GALNTL6: variants seen among roughly 807,000 people sequenced by gnomAD.
GALNTL6 encodes the protein polypeptide N-acetylgalactosaminyltransferase-like 6.
Under a neutral mutation model 73.7 loss-of-function variants are expected in GALNTL6, and 46 were observed. That is an observed-to-expected ratio of 0.62 (90% confidence interval 0.49 to 0.80). GALNTL6 has a LOEUF of 0.80. Ranked by LOEUF, GALNTL6 falls within the 30% of genes least tolerant of loss-of-function variation. The pLI is 0.00. For synonymous variants in GALNTL6, 259 were observed against 263.7 expected (o/e 0.98, Z 0.17); for missense variants, 604 against 755.0 (o/e 0.80, Z 2.34).
intron 5 of GALNTL6, among the ~76,000 whole-genome samples, chr4:172,563,648 A>G (rs1183105573): frequency 6.6e-6 from 1 of 152,224 alleles, no homozygotes; most frequent in Non-Finnish European, 1.5e-5. Flanking sequence ...AGTAGTTTTA[A>G]TCTCAAGGCA....
chr4:172,957,176 G>C (rs1235325104), intron 10 of GALNTL6, among the ~76,000 whole-genome samples: 1 of 152,108 alleles, frequency 6.6e-6, no homozygotes, highest in Admixed American at 6.5e-5. Flanking sequence ...GGAAGGGAGG[G>C]GGCCTGAATA....
At chr4:172,916,705 G>T (rs3105221) in intron 8 of GALNTL6, among the ~76,000 whole-genome samples, 39,219 of 151,950 alleles carry the variant, frequency 0.26, 6,914 homozygotes, top group African/African-American at 0.5. Flanking sequence ...GTGAAGAACC[G>T]TTTCAAGGAG....
chr4:171,862,147 A>G (rs1275549561), intron 2 of GALNTL6, among the ~76,000 whole-genome samples: 1 of 152,188 alleles, frequency 6.6e-6, no homozygotes, highest in Non-Finnish European at 1.5e-5. Flanking sequence ...GTTCTATACT[A>G]TGGCAATTTA....
At chr4:171,907,104 T>C (rs1353371610) in intron 2 of GALNTL6, among the ~76,000 whole-genome samples, 2 of 152,076 alleles carry the variant, frequency 1.3e-5, no homozygotes, top group African/African-American at 2.4e-5. Context: ...ATGCCCTCTC[T>C]CACCACTCCT....
intron 5 of GALNTL6, among the ~76,000 whole-genome samples, chr4:172,522,218 T>C: frequency 6.6e-6 from 1 of 152,204 alleles, no homozygotes; most frequent in African/African-American, 2.4e-5. Flanking sequence ...TTTAAAGGGA[T>C]ACCAAGTGAA....
chr4:172,952,997 G>A (rs987659187), intron 10 of GALNTL6, among the ~76,000 whole-genome samples: 2 of 152,190 alleles, frequency 1.3e-5, no homozygotes, highest in Admixed American at 6.5e-5. Context: ...GCAAGTACAA[G>A]GCAATGAGGG....
chr4:172,434,720 G>T (rs1234805253), intron 5 of GALNTL6, among the ~76,000 whole-genome samples: 1 of 151,566 alleles, frequency 6.6e-6, no homozygotes, highest in Non-Finnish European at 1.5e-5. Flanking sequence ...CAATCACAAA[G>T]AAAAAAAATG....
At chr4:172,740,780 T>A (rs993853774) in intron 5 of GALNTL6, among the ~76,000 whole-genome samples, 1 of 152,120 alleles carries the variant, frequency 6.6e-6, no homozygotes, top group African/African-American at 2.4e-5. Flanking sequence ...TGTTACCTAG[T>A]GTGTGTAGGT....
intron 4 of GALNTL6, among the ~76,000 whole-genome samples, chr4:172,320,563 G>A (rs1389948307): frequency 6.6e-6 from 1 of 152,168 alleles, no homozygotes; most frequent in Non-Finnish European, 1.5e-5. Context: ...TAGACTGTAG[G>A]CCAGCCATTT....
chr4:172,282,163 G>A (rs184344206), intron 3 of GALNTL6, among the ~76,000 whole-genome samples: 1 of 152,138 alleles, frequency 6.6e-6, no homozygotes, highest in Admixed American at 6.5e-5. Context: ...GTATATTTTA[G>A]GAACTCCTAC....
At chr4:172,556,500 A>G (rs530895391) in intron 5 of GALNTL6, among the ~76,000 whole-genome samples, 1 of 152,244 alleles carries the variant, frequency 6.6e-6, no homozygotes, top group African/African-American at 2.4e-5. Context: ...ATTTTTAAGT[A>G]TAATATGTTC....
chr4:172,096,173 A>G (rs1732351657), intron 2 of GALNTL6, among the ~76,000 whole-genome samples: 3 of 151,720 alleles, frequency 2.0e-5, no homozygotes, highest in South Asian at 4.2e-4. Flanking sequence ...GCACAACCAT[A>G]GCTCACTGCA....
chr4:172,701,143 G>C (rs1358665313), intron 5 of GALNTL6, among the ~76,000 whole-genome samples: 1 of 152,092 alleles, frequency 6.6e-6, no homozygotes, highest in African/African-American at 2.4e-5. Context: ...GAAGACTGAA[G>C]ATATGTTTAT....
rs149706143 is a variant in GALNTL6, at chr4:172,284,826, A to G, written c.248-26788A>G. 8.5e-3 allele frequency among the ~76,000 whole-genome samples: 1,292 copies of G among 152,092 alleles called. 25 individuals are homozygous for G. Among genetic ancestry groups the G allele is most frequent in the African/African-American group, 0.03 (1,234 of 41,494 alleles). ...ATGTGGCTTTACTTCTGGGTTCTCT[A>G]TTCTGTTCCATTGGTCTATATATCT... On this transcript the variant is annotated intron_variant, in intron 3 of 12. Coordinates refer to ENST00000506823, the MANE Select transcript of GALNTL6 (RefSeq NM_001034845.3).
chr4:172,873,005 G>A (rs893431380), intron 7 of GALNTL6, among the ~76,000 whole-genome samples: 1 of 152,140 alleles, frequency 6.6e-6, no homozygotes, highest in African/African-American at 2.4e-5. Context: ...TATGCCATCC[G>A]AGTACTCCAT....
intron 7 of GALNTL6, among the ~76,000 whole-genome samples, chr4:172,872,176 G>A (rs1744981968): frequency 6.6e-6 from 1 of 152,152 alleles, no homozygotes; most frequent in Non-Finnish European, 1.5e-5. Context: ...TGTCCACAGT[G>A]GTCATAAGAA....
intron 5 of GALNTL6, among the ~76,000 whole-genome samples, chr4:172,803,414 T>C (rs144029756): frequency 3.3e-5 from 5 of 152,348 alleles, no homozygotes; most frequent in Non-Finnish European, 7.3e-5. Context: ...CCTGGTGATC[T>C]GAGGTAAAAT....
chr4:172,063,070 CT>C (rs1731257246), intron 2 of GALNTL6, among the ~76,000 whole-genome samples: 1 of 152,160 alleles, frequency 6.6e-6, no homozygotes, highest in African/African-American at 2.4e-5. Context: ...CTAAGAAGTT[CT>C]TGAGCGGCCA....
chr4:172,321,159 T>A (rs542680661), intron 4 of GALNTL6, among the ~76,000 whole-genome samples: 4 of 152,252 alleles, frequency 2.6e-5, no homozygotes, highest in African/African-American at 9.6e-5. Context: ...TGCTGGAAAA[T>A]AATAATAAAT....
Sources: allele counts gnomAD v4.1 joint callset (sites outside exome capture counted in the v4.1 genomes callset), GRCh38; gene constraint gnomAD v4.1.1; transcripts MANE v1.5; gene names NCBI Gene and HGNC (gene_info 2026-07-23, HGNC 2026-07-21).